MCMBP: variants seen among roughly 807,000 people sequenced by gnomAD.
MCMBP encodes minichromosome maintenance complex binding protein.
In MCMBP, 31 loss-of-function variants were observed where a neutral mutation model predicts 81.3. The observed-to-expected ratio is 0.38, with a 90% CI of 0.29 to 0.51. The LOEUF is 0.51. Ranked by LOEUF, MCMBP falls within the 20% of genes least tolerant of loss-of-function variation. The pLI is 0.87. For missense variants in MCMBP, 645 were observed against 772.1 expected (o/e 0.84, Z 1.95); for synonymous variants, 267 against 275.9 (o/e 0.97, Z 0.32).
chr10:119,855,603 T>G (rs142425898), intron 5 of MCMBP, among the ~76,000 whole-genome samples: 8,322 of 151,834 alleles, frequency 0.055, 425 homozygotes, highest in South Asian at 0.27. Flanking sequence ...CCTGGCAGGC[T>G]GAGGTTGCAG....
At position 119,831,480 on chromosome 10, in the gene MCMBP, T is replaced by C; in HGVS notation, c.1917A>G (p.Glu639=). 6.2e-7 allele frequency: 1 copy of C among 1,613,878 alleles called. No individual in the cohort carries two copies. Among genetic ancestry groups the C allele is most frequent in the Non-Finnish European group, 8.5e-7 (1 of 1,179,846 alleles). The change falls in exon 16 of 16, where the codon GAA becomes GAG. Residue 639 remains glutamate, a synonymous_variant. Transcript: ENST00000369077. Reference sequence around the variant, plus strand: ...CTTCATAGGTATTACATCTTTAAAGTTCATTTCCATTCACACATTTTTGCT... The same window carrying C: ...CTTCATAGGTATTACATCTTTAAAGCTCATTTCCATTCACACATTTTTGCT... The part of the protein sequence containing the change: ...LQQQKCVNGN[E]L
rs978928087 is a variant in MCMBP, at chr10:119,839,906, T to C, written c.1242+937A>G. Reference sequence around the variant, plus strand: ...TCCTTCATATACTTCAACCAAAACCTGAGACTACAATAGACTGAAGGCAGA... The same window carrying C: ...TCCTTCATATACTTCAACCAAAACCCGAGACTACAATAGACTGAAGGCAGA... On this transcript the variant is annotated intron_variant, in intron 11 of 15. Transcript: ENST00000369077. Among the ~76,000 whole-genome samples, 6 of 152,276 alleles carry C rather than the reference T, an allele frequency of 3.9e-5. No individual in the cohort carries two copies. In the East Asian group the frequency reaches 7.7e-4, roughly 20 times the overall value.
rs1016966909 is a variant in MCMBP, at chr10:119,849,663, T to G, written c.575-87A>C. ...TTCCATAAGTGCCTTTCAAGTTTGA[T>G]ATACGTGATGCTTCTGAGCTTGCAA... On this transcript the variant is annotated intron_variant, in intron 6 of 15. Coordinates refer to ENST00000369077, the MANE Select transcript of MCMBP (RefSeq NM_001256378.2). The G allele has an allele frequency of 1.5e-5, 18 of 1,223,728 alleles. No individual in the cohort carries two copies. In the African/African-American group the frequency reaches 1.6e-4, roughly 11 times the overall value. The allele number at this position is 1,223,728 out of a possible 1,614,324, so 75.8% of individuals were successfully genotyped here.
At chr10:119,860,916 T>C (rs1347441631) in intron 1 of MCMBP, among the ~76,000 whole-genome samples, 1 of 152,206 alleles carries the variant, frequency 6.6e-6, no homozygotes, top group Non-Finnish European at 1.5e-5. Flanking sequence ...TTAATTTTGA[T>C]CACCCAAAGT....
In MCMBP at chr10:119,836,888, C is replaced by G. The variant is rs1204286426; in HGVS notation, c.1542+8G>C. Reference sequence around the variant, plus strand: ...AACCTCCCTCCATTTAAAAATGACTCATCATACCGGGAGGAGTGACCTCCC... The same window carrying G: ...AACCTCCCTCCATTTAAAAATGACTGATCATACCGGGAGGAGTGACCTCCC... On this transcript the variant is annotated splice_region_variant and intron_variant, in intron 13 of 15. Coordinates refer to ENST00000369077, the MANE Select transcript of MCMBP (RefSeq NM_001256378.2). 1.3e-6 allele frequency: 2 copies of G among 1,563,418 alleles called. No individual in the cohort carries two copies. The highest frequency in any genetic ancestry group is 1.7e-5 in the Admixed American group (1 of 57,194).
At position 119,843,260 on chromosome 10, in the gene MCMBP, T is replaced by C. The variant is rs749998760; in HGVS notation, c.994A>G (p.Lys332Glu). 1 of 1,613,656 alleles carries C rather than the reference T, an allele frequency of 6.2e-7. No individual in the cohort carries two copies. Among genetic ancestry groups the C allele is most frequent in the Non-Finnish European group, 8.5e-7 (1 of 1,179,690 alleles). Reference sequence around the variant, plus strand: ...CTGTAACACTTACACTTACAGGTTTTGCTCTCCTCTTTGTTAAGGCAGGCA... The same window carrying C: ...CTGTAACACTTACACTTACAGGTTTCGCTCTCCTCTTTGTTAAGGCAGGCA... The part of the protein sequence containing the change: ...LPACLNKEES[K>E]TFVSSFMSEL... The change falls in exon 9 of 16, where the codon AAA becomes GAA. Residue 332 changes from lysine (K) to glutamate (E), a missense_variant. Transcript: ENST00000369077.
At chr10:119,863,022 G>A (rs992956054) in intron 1 of MCMBP, among the ~76,000 whole-genome samples, 1 of 152,122 alleles carries the variant, frequency 6.6e-6, no homozygotes, top group African/African-American at 2.4e-5. Flanking sequence ...AATTACTGCT[G>A]TGTTTTCTTA....
chr10:119,858,860 TTC>T, intron 4 of MCMBP, 22 bp downstream of exon 4: 1 of 1,534,644 alleles, frequency 6.5e-7, no homozygotes, highest in Non-Finnish European at 8.9e-7. Flanking sequence ...CTAAAAATGT[TTC>T]ATATATATTA....
At position 119,842,590 on chromosome 10, in the gene MCMBP, A is replaced by G; in HGVS notation, c.1006T>C (p.Ser336Pro). The G allele has an allele frequency of 1.2e-6, 2 of 1,612,976 alleles. No homozygotes were observed. Among genetic ancestry groups the G allele is most frequent in the Non-Finnish European group, 8.5e-7 (1 of 1,179,476 alleles). ...GGAGACAATTCGGACATGAAACTTG[A>G]AACAACTGAAGGAGAAAGGAAGACC... is the stretch of plus-strand genomic sequence containing the variant. ...LNKEESKTFVSSFMSELSPVR... is the reference protein window; with the variant it reads ...LNKEESKTFVPSFMSELSPVR... The change falls in exon 10 of 16, where the codon TCA (serine) becomes CCA (proline). Residue 336 changes from serine to proline, a missense_variant. By Grantham distance (74) the Ser-to-Pro change is moderately conservative (BLOSUM62 -1). Transcript: ENST00000369077.
At chr10:119,839,406 G>C (rs1475181540) in intron 11 of MCMBP, among the ~76,000 whole-genome samples, 1 of 152,196 alleles carries the variant, frequency 6.6e-6, no homozygotes, top group African/African-American at 2.4e-5. Flanking sequence ...GGTGGGGGAA[G>C]GCTGTCAAGG....
chr10:119,835,444 A>C, intron 14 of MCMBP, 96 bp downstream of exon 14: 1 of 1,130,122 alleles, frequency 8.8e-7, no homozygotes. Flanking sequence ...CAGAAAACAA[A>C]TAACAAAATT....
chr10:119,840,152 CTT>C (rs1275607255), intron 11 of MCMBP, among the ~76,000 whole-genome samples: 1 of 152,120 alleles, frequency 6.6e-6, no homozygotes, highest in Non-Finnish European at 1.5e-5. Context: ...AAAAACAGCT[CTT>C]TGAGTATGAA....
intron 11 of MCMBP, among the ~76,000 whole-genome samples, chr10:119,839,565 G>A (rs1252918834): frequency 6.6e-6 from 1 of 152,106 alleles, no homozygotes; most frequent in East Asian, 1.9e-4. Context: ...GAGGGCAAAG[G>A]ATCTGTTTCA....
intron 9 of MCMBP, 113 bp downstream of exon 9, chr10:119,843,141 T>G: frequency 8.7e-7 from 1 of 1,155,270 alleles, no homozygotes; most frequent in Admixed American, 1.7e-5. Flanking sequence ...AAAACACTTA[T>G]TGTGAGGAAT....
At chr10:119,843,013 A>G (rs990136298) in intron 9 of MCMBP, 2 of 448,492 alleles carry the variant, frequency 4.5e-6, no homozygotes, top group Admixed American at 3.3e-5. Flanking sequence ...TTGGCCTCCT[A>G]AAGTGCTAAG....
chr10:119,835,771 T>G (rs1426069779), intron 13 of MCMBP, 67 bp from the exon 14 acceptor site: 1 of 1,512,514 alleles, frequency 6.6e-7, no homozygotes, highest in Non-Finnish European at 9.1e-7. Context: ...TAAAGAAAGA[T>G]GCATCATCTC....
At position 119,859,248 on chromosome 10, in the gene MCMBP, C is replaced by G. The variant is rs533898109; in HGVS notation, c.145-67G>C. On this transcript the variant is annotated intron_variant, in intron 2 of 15. Coordinates refer to ENST00000369077, the MANE Select transcript of MCMBP (RefSeq NM_001256378.2). ...CTATACAACATTAAGCATATATACA[C>G]AAACTTTATATCCAGACTCAAACTG... The G allele has an allele frequency of 1.3e-5, 18 of 1,439,558 alleles. No individual in the cohort carries two copies. The East Asian group carries it at 4.1e-4, about 33-fold the overall frequency. The allele number at this position is 1,439,558 out of a possible 1,614,324, so 89.2% of individuals were successfully genotyped here.
At chr10:119,873,177 A>G (rs1200338554), upstream of MCMBP, among the ~76,000 whole-genome samples, 1 of 152,168 alleles carries the variant, frequency 6.6e-6, no homozygotes, top group Admixed American at 6.5e-5. Context: ...CCTCAGAGTC[A>G]TCTCTGGGCA....
intron 6 of MCMBP, among the ~76,000 whole-genome samples, chr10:119,851,724 T>C (rs1349198365): frequency 6.6e-6 from 1 of 152,212 alleles, no homozygotes; most frequent in Non-Finnish European, 1.5e-5. Context: ...TATGTATTTA[T>C]AGTAAAACAT....
Sources: allele counts gnomAD v4.1 joint callset (sites outside exome capture counted in the v4.1 genomes callset), GRCh38; gene constraint gnomAD v4.1.1; transcripts MANE v1.5; gene names NCBI Gene and HGNC (gene_info 2026-07-23, HGNC 2026-07-21).